Variants in ANK1 observed in about 807,000 individuals in gnomAD.
ANK1 encodes ankyrin 1.
A neutral mutation model predicts 210.4 loss-of-function variants in ANK1; 51 were observed. That is an observed-to-expected ratio of 0.24 (90% CI 0.19 to 0.31). The LOEUF (loss-of-function observed/expected upper bound fraction) is 0.31, where lower values mean the gene tolerates loss of function less well. ANK1 is among the 10% of genes least tolerant of loss of function. ANK1 has a pLI of 1.00. For missense variants in ANK1, 2,051 were observed against 2,504.4 expected, an observed-to-expected ratio of 0.82 and a Z score of 3.86; for synonymous variants, 967 against 1,025.9, an observed-to-expected ratio of 0.94 and a Z score of 1.10.
chr8:41,894,440 G>A (rs77003635), intron 1 of ANK1, among the ~76,000 whole-genome samples: 1,700 of 152,078 alleles, frequency 0.011, 13 homozygotes, highest in South Asian at 0.033. Flanking sequence ...TAAGAGCAAA[G>A]AAGCAAAAAG....
At chr8:41,754,438 T>G (rs1838566872) in intron 2 of ANK1, among the ~76,000 whole-genome samples, 1 of 152,090 alleles carries the variant, frequency 6.6e-6, no homozygotes, top group African/African-American at 2.4e-5. Context: ...AAGCCAAGAG[T>G]TCCTCTTTCC....
chr8:41,719,777 T>C lies in ANK1; in HGVS notation c.991A>G (p.Ile331Val), dbSNP rs1828772233. 2 of 1,614,014 alleles carry C rather than the reference T, an allele frequency of 1.2e-6. No homozygotes were observed. The highest frequency in any genetic ancestry group is 1.3e-5 in the African/African-American group (1 of 74,890). The change falls in exon 10 of 43, where the codon ATA (isoleucine) becomes GTA (valine). Residue 331 changes from isoleucine to valine, a missense_variant. This residue lies in a region of ANK1 where 1,413 missense variants were observed against 1,707.4 expected (regional missense o/e 0.83). Transcript: ENST00000289734. ...AGGTGGTCCAGGGTGATGTCGTCTA[T>C]CTCTGCGTCGTATTGCAACAGGAGC... ...VRLLLQYDAE[I>V]DDITLDHLTP...
At chr8:41,706,084 C>G in intron 18 of ANK1, 59 bp downstream of exon 18, 2 of 1,512,722 alleles carry the variant, frequency 1.3e-6, no homozygotes, top group South Asian at 2.3e-5. Flanking sequence ...GTGGAAGATT[C>G]AATTCTGAAG....
intron 1 of ANK1, among the ~76,000 whole-genome samples, chr8:41,814,723 CTTA>C (rs1803051505): frequency 8.3e-6 from 1 of 120,068 alleles, no homozygotes; most frequent in Non-Finnish European, 1.8e-5. Flanking sequence ...TTTTTAGATT[CTTA>C]TTTTTTTTTA....
rs144119180 is a variant in ANK1, at chr8:41,694,163, A to G, written c.3328-61T>C. The G allele has an allele frequency of 6.0e-3, 9,234 of 1,539,376 alleles. 736 individuals carry two copies. In the Admixed American group the frequency reaches 0.14, roughly 24 times the overall value. ...GCAGGAGAGGGGCTAATCAGACGGG[A>G]GGCAGCTCCATGCCTGGTGAGAGTG... On this transcript the variant is annotated intron_variant, in intron 28 of 42. Transcript: ENST00000289734. The surrounding 1 kb of genome is among the most constrained non-coding windows in gnomAD (Gnocchi z 5.7).
At chr8:41,669,184 C>A (rs1311252170) in intron 38 of ANK1, among the ~76,000 whole-genome samples, 2 of 151,660 alleles carry the variant, frequency 1.3e-5, no homozygotes, top group African/African-American at 4.8e-5. Flanking sequence ...GCTCATTCAT[C>A]CCATGGTTCC....
intron 1 of ANK1, among the ~76,000 whole-genome samples, chr8:41,865,623 C>A (rs1401357798): frequency 1.3e-5 from 2 of 151,852 alleles, no homozygotes; most frequent in Non-Finnish European, 2.9e-5. Flanking sequence ...TCCTCTGATT[C>A]TCTCCCCTCC....
At chr8:41,864,479 G>A (rs909128764) in intron 1 of ANK1, among the ~76,000 whole-genome samples, 1 of 152,116 alleles carries the variant, frequency 6.6e-6, no homozygotes, top group Non-Finnish European at 1.5e-5. Flanking sequence ...CGCGTGCTGA[G>A]TCCTCCCCAC....
intron 15 of ANK1, 84 bp downstream of exon 15, chr8:41,714,892 G>T: frequency 7.4e-7 from 1 of 1,348,324 alleles, no homozygotes; most frequent in Non-Finnish European, 1.1e-6. Flanking sequence ...ACAGGCAAGA[G>T]ATGGAATCTG....
Position 41,694,176 on chromosome 8 carries a change from C to T in ANK1, c.3328-74G>A, listed in dbSNP as rs1017801483. ...TAATCAGACGGGAGGCAGCTCCATG[C>T]CTGGTGAGAGTGGCCGTCAGTGCAC... is the stretch of plus-strand genomic sequence containing the variant. On this transcript the variant is annotated intron_variant, in intron 28 of 42. Transcript: ENST00000289734. The surrounding 1 kb of genome is among the most constrained non-coding windows in gnomAD (Gnocchi z 5.7). 2.7e-6 allele frequency: 4 copies of T among 1,496,634 alleles called. No homozygotes were observed. Among genetic ancestry groups the T allele is most frequent in the Non-Finnish European group, 3.7e-6 (4 of 1,093,724 alleles). 92.7% of individuals were successfully genotyped at this position (1,496,634 alleles called of 1,614,324 possible). A position where few individuals can be genotyped will look rare whatever the true frequency, so the allele number is the denominator to read the frequency against.
At position 41,704,465 on chromosome 8, in the gene ANK1, T is replaced by C; in HGVS notation, c.2105A>G (p.Tyr702Cys). 1 of 1,613,966 alleles carries C rather than the reference T, an allele frequency of 6.2e-7. No homozygotes were observed. The highest frequency in any genetic ancestry group is 8.5e-7 in the Non-Finnish European group (1 of 1,179,878). ...GTGACTGGCCACATGGAGGGGAGTG[T>C]AGCCCATCTGAAAAGCAGATGAGAA... ...VMVDATTRMG[Y>C]TPLHVASHYG... The change falls in exon 19 of 43, where the codon TAC becomes TGC. Residue 702 changes from tyrosine to cysteine, a missense_variant. This residue lies in a region of ANK1 where 1,413 missense variants were observed against 1,707.4 expected (regional missense o/e 0.83). Transcript: ENST00000289734. The surrounding 1 kb of genome is among the most constrained non-coding windows in gnomAD (Gnocchi z 4.1).
chr8:41,715,064 G>A lies in ANK1; in HGVS notation c.1613C>T (p.Thr538Ile), dbSNP rs541654069. 6.2e-7 allele frequency: 1 copy of A among 1,614,168 alleles called. No individual in the cohort carries two copies. The highest frequency in any genetic ancestry group is 8.5e-7 in the Non-Finnish European group (1 of 1,180,026). ...GTACTTGGCCGCCACGTGCAGAGGG[G>A]TAAATCCTTTCTGAGGAGAAACAGG... ...SQACMTKKGFTPLHVAAKYGK... is the reference protein window; with the variant it reads ...SQACMTKKGFIPLHVAAKYGK... The change falls in exon 15 of 43, where the codon ACC (threonine) becomes ATC (isoleucine). Residue 538 changes from threonine (T) to isoleucine (I), a missense_variant. Physicochemically the swap from Thr to Ile is moderately conservative, Grantham distance 89. Transcript: ENST00000289734.
At chr8:41,815,015 C>T (rs1328327478) in intron 1 of ANK1, among the ~76,000 whole-genome samples, 2 of 151,972 alleles carry the variant, frequency 1.3e-5, no homozygotes, top group African/African-American at 2.4e-5. Flanking sequence ...GAAGTTATTT[C>T]GAGATCAAAA....
intron 37 of ANK1, among the ~76,000 whole-genome samples, chr8:41,683,993 G>A (rs1398908959): frequency 2.0e-5 from 3 of 152,220 alleles, no homozygotes; most frequent in Non-Finnish European, 4.4e-5. Context: ...AAAGCAGAGA[G>A]ACCCGGCTCC....
intron 2 of ANK1, among the ~76,000 whole-genome samples, chr8:41,749,542 C>T (rs1372537513): frequency 3.8e-5 from 3 of 78,306 alleles, no homozygotes; most frequent in Admixed American, 1.6e-4. Context: ...GGTGATCCAC[C>T]CGCCTCGGCC....
Position 41,748,862 on chromosome 8 carries a change from C to T in ANK1, c.129+9174G>A, listed in dbSNP as rs533767552. Among the ~76,000 whole-genome samples, 29 of 152,226 alleles carry T rather than the reference C, an allele frequency of 1.9e-4. No individual in the cohort carries two copies. In the South Asian group the frequency reaches 5.4e-3, roughly 28 times the overall value. On this transcript the variant is annotated intron_variant, in intron 2 of 42. Transcript: ENST00000289734. Reference sequence around the variant, plus strand: ...CATCCCAGCTAACACAGTGAAATCCCGTCTCTGCTAAAAATACAAAAAATT... The same window carrying T: ...CATCCCAGCTAACACAGTGAAATCCTGTCTCTGCTAAAAATACAAAAAATT...
chr8:41,866,008 C>G (rs1263735337), intron 1 of ANK1, among the ~76,000 whole-genome samples: 2 of 152,250 alleles, frequency 1.3e-5, no homozygotes, highest in African/African-American at 4.8e-5. Context: ...CCAACTCTCG[C>G]CTCTCCACCA....
intron 42 of ANK1, among the ~76,000 whole-genome samples, chr8:41,659,296 G>A (rs543109963): frequency 8.9e-4 from 135 of 152,324 alleles, no homozygotes; most frequent in Middle Eastern, 3.4e-3. Flanking sequence ...CACTACACAA[G>A]CTGCAAGGAG....
intron 1 of ANK1, among the ~76,000 whole-genome samples, chr8:41,812,396 G>A (rs927019514): frequency 6.6e-6 from 1 of 152,204 alleles, no homozygotes; most frequent in Non-Finnish European, 1.5e-5. Flanking sequence ...CTGTAGAAAG[G>A]AAGAAGGGCC....
Sources: allele counts gnomAD v4.1 joint callset (sites outside exome capture counted in the v4.1 genomes callset), GRCh38; gene constraint gnomAD v4.1.1; regional missense constraint gnomAD v4.1.1; non-coding constraint Gnocchi (gnomAD v3.1); transcripts MANE v1.5; gene names NCBI Gene and HGNC (gene_info 2026-07-23, HGNC 2026-07-21).